Variants in PCDHGA4 observed in about 807,000 individuals in gnomAD.
The protein encoded by PCDHGA4 is protocadherin gamma subfamily A, 4, also known as protocadherin gamma-A4.
In PCDHGA4, 38 loss-of-function variants were observed where a neutral mutation model predicts 54.6. The ratio of observed to expected loss-of-function variants is 0.70; its 90% CI spans 0.54 to 0.91. PCDHGA4 has a LOEUF of 0.91. Among genes scored for constraint, PCDHGA4 ranks in the 40% least tolerant of loss-of-function variants. The pLI is 0.00. For missense variants in PCDHGA4, 1,298 were observed against 1,220.9 expected (o/e 1.06, Z -0.94); for synonymous variants, 511 against 512.9 (o/e 1.00, Z 0.05).
At chr5:141,374,144 G>A in intron 1 of PCDHGA4, 1 of 1,610,858 alleles carries the variant, frequency 6.2e-7, no homozygotes, top group Admixed American at 1.7e-5. Flanking sequence ...CACGCTCCTG[G>A]GGACGCTGTG....
rs777988497 is a variant in PCDHGA4, at chr5:141,356,894, C to A, written c.1787C>A (p.Pro596His). The A allele has an allele frequency of 1.9e-6, 3 of 1,614,214 alleles. No homozygotes were observed. In the South Asian group the frequency reaches 3.3e-5, roughly 18 times the overall value. The change falls in exon 1 of 4, where the codon CCC becomes CAC. Residue 596 changes from proline to histidine, a missense_variant. Physicochemically the swap from Pro to His is moderately conservative, Grantham distance 77. Transcript: ENST00000571252. Reference sequence around the variant, plus strand: ...GACAATGTCCCTGAGATCCTGTACCCCACCTTCCCTACTGATGGCTCCACT... The same window carrying A: ...GACAATGTCCCTGAGATCCTGTACCACACCTTCCCTACTGATGGCTCCACT... ...QNDNVPEILY[P>H]TFPTDGSTGV...
chr5:141,374,973 T>C (rs1770996442), intron 1 of PCDHGA4: 1 of 1,614,028 alleles, frequency 6.2e-7, no homozygotes, highest in Non-Finnish European at 8.5e-7. Flanking sequence ...TTGAATGTTT[T>C]GACTGGAGAA....
intron 1 of PCDHGA4, chr5:141,399,924 G>A: frequency 6.2e-7 from 1 of 1,612,346 alleles, no homozygotes; most frequent in Non-Finnish European, 8.5e-7. Context: ...ACAACGCCTG[G>A]CTGTCCTACC....
chr5:141,430,245 G>C (rs1000418420), intron 1 of PCDHGA4, among the ~76,000 whole-genome samples: 1 of 104,402 alleles, frequency 9.6e-6, no homozygotes, highest in African/African-American at 6.4e-5. Flanking sequence ...GAAACTCCTA[G>C]GGAGACATCT....
intron 1 of PCDHGA4, chr5:141,403,221 T>G (rs899056141): frequency 1.3e-5 from 21 of 1,613,974 alleles, no homozygotes; most frequent in Non-Finnish European, 1.8e-5. Flanking sequence ...GCGGGTAGGA[T>G]AGACCGGGAG....
intron 1 of PCDHGA4, among the ~76,000 whole-genome samples, chr5:141,435,444 A>T (rs1471113812): frequency 1.3e-5 from 2 of 152,216 alleles, no homozygotes; most frequent in South Asian, 2.1e-4. Context: ...TTTCATTAAT[A>T]CGATATCTGT....
At chr5:141,375,557 G>A in intron 1 of PCDHGA4, 1 of 1,613,988 alleles carries the variant, frequency 6.2e-7, no homozygotes, top group Non-Finnish European at 8.5e-7. Context: ...CTACTCACTG[G>A]CAGAAGACAC....
chr5:141,430,705 T>C (rs914464861), intron 1 of PCDHGA4: 3 of 1,477,958 alleles, frequency 2.0e-6, no homozygotes, highest in African/African-American at 2.8e-5. Flanking sequence ...AAGGAACTGC[T>C]CCTGACTTCA....
Position 141,432,972 on chromosome 5 carries a change from C to T in PCDHGA4, c.2515-61835C>T. 1 of 1,614,218 alleles carries T rather than the reference C, an allele frequency of 6.2e-7. No homozygotes were observed. Among genetic ancestry groups the T allele is most frequent in the African/African-American group, 1.3e-5 (1 of 75,058 alleles). ...GGCGGCTTGACAGGAGCGCCGGCGT[C>T]GCACTTTGTGGGCGTGGACGGGGTG... On this transcript the variant is annotated intron_variant, in intron 1 of 3. Coordinates refer to ENST00000571252, the MANE Select transcript of PCDHGA4 (RefSeq NM_018917.4). This position sits in a 1 kb window ranked among gnomAD's most constrained non-coding sequence, Gnocchi z 6.0.
chr5:141,394,229 T>C, intron 1 of PCDHGA4: 1 of 1,613,872 alleles, frequency 6.2e-7, no homozygotes, highest in Non-Finnish European at 8.5e-7. Flanking sequence ...CCTCCATCTT[T>C]TCCTTGACTG....
intron 1 of PCDHGA4, among the ~76,000 whole-genome samples, chr5:141,368,964 A>G (rs531722915): frequency 3.9e-5 from 6 of 152,320 alleles, no homozygotes; most frequent in African/African-American, 1.4e-4. Flanking sequence ...TTAAGATGCT[A>G]TAATGCTTTT....
chr5:141,413,651 C>T (rs377135032), intron 1 of PCDHGA4: 16 of 1,613,658 alleles, frequency 9.9e-6, no homozygotes, highest in Non-Finnish European at 8.5e-6. Context: ...TTTCCTCTCC[C>T]GGAAGCTATT....
intron 2 of PCDHGA4, among the ~76,000 whole-genome samples, chr5:141,504,968 C>A (rs1377016827): frequency 1.3e-5 from 2 of 152,206 alleles, no homozygotes; most frequent in East Asian, 3.9e-4. Context: ...ATTGGACCAG[C>A]CTGGCCAACA....
intron 1 of PCDHGA4, chr5:141,360,518 A>T (rs764837535): frequency 3.1e-6 from 5 of 1,613,996 alleles, no homozygotes; most frequent in Non-Finnish European, 4.2e-6. Flanking sequence ...GATATAAATG[A>T]TAATACCCCG....
chr5:141,393,428 G>A (rs1043256482), intron 1 of PCDHGA4: 2 of 1,614,042 alleles, frequency 1.2e-6, no homozygotes, highest in Admixed American at 1.7e-5. Flanking sequence ...GGGAGGAAGA[G>A]GCTGCTCACC....
chr5:141,418,433 C>A (rs761824602), intron 1 of PCDHGA4: 6 of 1,613,820 alleles, frequency 3.7e-6, no homozygotes, highest in South Asian at 3.3e-5. Flanking sequence ...TGGCAAATAT[C>A]CAGAATTAGT....
In PCDHGA4 at chr5:141,409,272, T is replaced by G. The variant is rs2095250021; in HGVS notation, c.2514+51651T>G. ...ATCACTTCTCTCTCTGATCAGATTT[T>G]GGAGAATTCACCTCCAGGAATGGTT... On this transcript the variant is annotated intron_variant, in intron 1 of 3. Coordinates refer to ENST00000571252, the MANE Select transcript of PCDHGA4 (RefSeq NM_018917.4). 5 of 1,614,042 alleles carry G rather than the reference T, an allele frequency of 3.1e-6. No individual in the cohort carries two copies. In the South Asian group the frequency reaches 4.4e-5, roughly 14 times the overall value.
At chr5:141,454,838 C>T (rs1472341694) in intron 1 of PCDHGA4, among the ~76,000 whole-genome samples, 7 of 100,814 alleles carry the variant, frequency 6.9e-5, no homozygotes, top group Non-Finnish European at 1.1e-4. Flanking sequence ...GACAGAGTCG[C>T]GCTCTGTCAC....
chr5:141,389,085 A>T (rs2091598298), intron 1 of PCDHGA4: 6 of 1,614,054 alleles, frequency 3.7e-6, no homozygotes, highest in Non-Finnish European at 5.1e-6. Context: ...AAACACGTAT[A>T]AATTAGTGAC....
Sources: allele counts gnomAD v4.1 joint callset (sites outside exome capture counted in the v4.1 genomes callset), GRCh38; gene constraint gnomAD v4.1.1; non-coding constraint Gnocchi (gnomAD v3.1); transcripts MANE v1.5; gene names NCBI Gene and HGNC (gene_info 2026-07-23, HGNC 2026-07-21).